SLC25A18: variants seen among roughly 807,000 people sequenced by gnomAD.
SLC25A18 encodes mitochondrial glutamate carrier 2.
A neutral mutation model predicts 31.1 loss-of-function variants in SLC25A18; 24 were observed. The observed-to-expected ratio is 0.77, with a 90% CI of 0.56 to 1.08. The LOEUF is 1.08. Among genes scored for constraint, SLC25A18 ranks in the 50% least tolerant of loss-of-function variants. The pLI, the probability that SLC25A18 is intolerant of heterozygous loss-of-function variation, is 0.00. For synonymous variants in SLC25A18, 173 were observed against 161.9 expected (o/e 1.07, Z -0.52); for missense variants, 371 against 418.5 (o/e 0.89, Z 0.99).
intron 10 of SLC25A18, 130 bp from the exon 11 acceptor site, chr22:17,589,965 G>A (rs541378000): frequency 4.2e-5 from 55 of 1,319,402 alleles, no homozygotes; most frequent in African/African-American, 2.8e-4. Flanking sequence ...CTCCCACACC[G>A]TTGGCCTCTT....
chr22:17,589,400 A>G (rs1218138911), intron 9 of SLC25A18, among the ~76,000 whole-genome samples, 190 bp from the exon 10 acceptor site: 1 of 151,240 alleles, frequency 6.6e-6, no homozygotes, highest in Non-Finnish European at 1.5e-5. Flanking sequence ...CTGGTCTCAA[A>G]CTCCTGACCT....
intron 1 of SLC25A18, among the ~76,000 whole-genome samples, chr22:17,565,945 A>C (rs1455513340): frequency 6.6e-6 from 1 of 152,020 alleles, no homozygotes; most frequent in African/African-American, 2.4e-5. Context: ...CTCCCACCTC[A>C]GCCTCCCAAA....
intron 2 of SLC25A18, chr22:17,570,462 G>A (rs1357985330): frequency 6.6e-6 from 1 of 152,248 alleles, no homozygotes; most frequent in East Asian, 1.9e-4. Flanking sequence ...GGATGCCTCT[G>A]CGCCGTGGCC....
intron 10 of SLC25A18, 112 bp from the exon 11 acceptor site, chr22:17,589,983 T>C: frequency 1.4e-6 from 2 of 1,444,798 alleles, no homozygotes; most frequent in Admixed American, 2.0e-5. Flanking sequence ...CTTGCTCTTG[T>C]TGTGGAAGGC....
At chr22:17,581,468 A>C (rs571446399) in intron 5 of SLC25A18, 55 bp downstream of exon 5, 2 of 1,591,554 alleles carry the variant, frequency 1.3e-6, no homozygotes, top group African/African-American at 2.7e-5. Flanking sequence ...CGTATGGGAC[A>C]TGGGGAACTG....
chr22:17,586,015 T>G (rs1263389927), intron 7 of SLC25A18, among the ~76,000 whole-genome samples: 1 of 152,126 alleles, frequency 6.6e-6, no homozygotes, highest in Non-Finnish European at 1.5e-5. Flanking sequence ...ACTTATCAAA[T>G]GATAGGCTCT....
intron 1 of SLC25A18, among the ~76,000 whole-genome samples, chr22:17,566,988 C>T (rs1046357198): frequency 6.6e-6 from 1 of 152,058 alleles, no homozygotes; most frequent in Non-Finnish European, 1.5e-5. Context: ...ATGGCAAAAC[C>T]GCGTCTCTAC....
chr22:17,580,750 G>A, intron 3 of SLC25A18: 1 of 1,188,168 alleles, frequency 8.4e-7, no homozygotes, highest in South Asian at 3.1e-5. Context: ...TTGGGGCAGA[G>A]CGGTGCCCTG....
intron 7 of SLC25A18, 120 bp downstream of exon 7, chr22:17,583,654 A>G: frequency 7.1e-7 from 1 of 1,401,664 alleles, no homozygotes; most frequent in Non-Finnish European, 9.5e-7. Context: ...AAGCAGGTAG[A>G]AGTTTTTGGC....
In SLC25A18 at chr22:17,579,673, G is replaced by C. The variant is rs563795229; in HGVS notation, c.-200-72G>C. The C allele has an allele frequency of 1.2e-4, 142 of 1,208,470 alleles. 1 individual carries two copies. In the African/African-American group the frequency reaches 1.9e-3, roughly 16 times the overall value. 74.9% of individuals were successfully genotyped at this position (1,208,470 alleles called of 1,614,324 possible). A position where few individuals can be genotyped will look rare whatever the true frequency, so the allele number is the denominator to read the frequency against. Reference sequence around the variant, plus strand: ...GAAGGGAAAAAAGTGGAGCAAGCGGGCCGCATGAATCCACTAGTGACGTGC... The same window carrying C: ...GAAGGGAAAAAAGTGGAGCAAGCGGCCCGCATGAATCCACTAGTGACGTGC... On this transcript the variant is annotated intron_variant, in intron 2 of 10. Transcript: ENST00000327451.
At chr22:17,565,276 T>C (rs1177550437) in intron 1 of SLC25A18, among the ~76,000 whole-genome samples, 1 of 151,774 alleles carries the variant, frequency 6.6e-6, no homozygotes, top group Non-Finnish European at 1.5e-5. Context: ...AGAGACGGGG[T>C]TTTGCCATGT....
intron 1 of SLC25A18, among the ~76,000 whole-genome samples, chr22:17,568,215 A>C (rs567075533): frequency 9.8e-4 from 149 of 151,830 alleles, no homozygotes; most frequent in African/African-American, 3.2e-3. Context: ...AAATACAAAA[A>C]AGTTAGCCGG....
chr22:17,581,630 T>A, intron 5 of SLC25A18: 1 of 571,300 alleles, frequency 1.8e-6, no homozygotes, highest in Non-Finnish European at 3.1e-6. Flanking sequence ...ACCGCCTCAG[T>A]AAGAGCAGGC....
intron 8 of SLC25A18, 81 bp from the exon 9 acceptor site, chr22:17,587,844 C>G: frequency 6.4e-7 from 1 of 1,568,662 alleles, no homozygotes; most frequent in Non-Finnish European, 8.7e-7. Context: ...CCCCACAGCT[C>G]ACAGCAAAGC....
At chr22:17,570,130 G>C in intron 2 of SLC25A18, 144 bp downstream of exon 2, 6 of 489,116 alleles carry the variant, frequency 1.2e-5, no homozygotes, top group Non-Finnish European at 1.3e-5. Flanking sequence ...GAAGGGGTGG[G>C]CACGAGGAAG....
At chr22:17,569,515 G>A (rs1191906432) in intron 1 of SLC25A18, 1 of 680,898 alleles carries the variant, frequency 1.5e-6, no homozygotes, top group Non-Finnish European at 1.8e-6. Flanking sequence ...AGACTGAGAA[G>A]CAGAGATTTG....
In SLC25A18 at chr22:17,566,369, C is replaced by A. The variant is rs2056936926; in HGVS notation, c.-264+2656C>A. On this transcript the variant is annotated intron_variant, in intron 1 of 10. Transcript: ENST00000327451. ...CCCACCAAGCCCTGTATAATCTTCA[C>A]AGAAACCATTCACATCTCTTCCCTC... Among the ~76,000 whole-genome samples the A allele has an allele frequency of 2.6e-5, 4 of 151,884 alleles. No homozygotes were observed. In the South Asian group the frequency reaches 6.3e-4, roughly 24 times the overall value.
intron 8 of SLC25A18, among the ~76,000 whole-genome samples, chr22:17,587,665 G>A (rs1017013926): frequency 3.3e-5 from 5 of 152,164 alleles, no homozygotes; most frequent in Non-Finnish European, 1.5e-5. Context: ...CGCATTTCCC[G>A]CCTCGGACTT....
At position 17,581,175 on chromosome 22, in the gene SLC25A18, C is replaced by A; in HGVS notation, c.143+16C>A. ...ACAAAGGAATGTAGGTGCTGGCAGG[C>A]GAGCGTGGAGGGCAGAGGCGCCCGG... On this transcript the variant is annotated intron_variant, in intron 4 of 10. Coordinates refer to ENST00000327451, the MANE Select transcript of SLC25A18 (RefSeq NM_031481.3). 6.3e-7 allele frequency: 1 copy of A among 1,583,244 alleles called. No individual in the cohort carries two copies. Among genetic ancestry groups the A allele is most frequent in the South Asian group, 1.1e-5 (1 of 87,176 alleles).
Sources: allele counts gnomAD v4.1 joint callset (sites outside exome capture counted in the v4.1 genomes callset), GRCh38; gene constraint gnomAD v4.1.1; transcripts MANE v1.5; gene names NCBI Gene and HGNC (gene_info 2026-07-23, HGNC 2026-07-21).